ATP10B: variants seen among roughly 807,000 people sequenced by gnomAD.
The protein encoded by ATP10B is phospholipid-transporting ATPase VB.
In ATP10B, 122 loss-of-function variants were observed where a neutral mutation model predicts 141.2. The ratio of observed to expected loss-of-function variants is 0.86; its 90% confidence interval spans 0.75 to 1.00. The LOEUF is 1.00. Ranked by LOEUF, ATP10B falls within the 50% of genes least tolerant of loss-of-function variation. The pLI, the probability that ATP10B is intolerant of heterozygous loss-of-function variation, is 0.00. For missense variants in ATP10B, 1,876 were observed against 1,825.3 expected (o/e 1.03, Z -0.51); for synonymous variants, 685 against 692.0 (o/e 0.99, Z 0.16).
chr5:160,763,064 A>G (rs200709992), intron 2 of ATP10B, among the ~76,000 whole-genome samples: 1 of 143,976 alleles, frequency 6.9e-6, no homozygotes, highest in Admixed American at 7.0e-5. Flanking sequence ...AAATTTGTAA[A>G]ACAACTACTA....
chr5:160,779,536 C>A (rs758763157), intron 2 of ATP10B, among the ~76,000 whole-genome samples: 3 of 152,198 alleles, frequency 2.0e-5, no homozygotes, highest in Non-Finnish European at 4.4e-5. Context: ...CTCTGTGCAA[C>A]AGCCTTGGAG....
chr5:160,743,225 T>C (rs953291288), intron 2 of ATP10B, among the ~76,000 whole-genome samples: 2 of 152,166 alleles, frequency 1.3e-5, no homozygotes, highest in East Asian at 1.9e-4. Flanking sequence ...AGGATTCAAA[T>C]ATAGGCTGTG....
intron 2 of ATP10B, among the ~76,000 whole-genome samples, chr5:160,781,415 G>A (rs1003013095): frequency 1.3e-5 from 2 of 152,096 alleles, no homozygotes; most frequent in African/African-American, 2.4e-5. Flanking sequence ...GTCGGTTTGT[G>A]ATGGGTACAG....
At chr5:160,910,792 A>T in the ATP10B span, among the ~76,000 whole-genome samples, 1 of 152,212 alleles carries the variant, frequency 6.6e-6, no homozygotes, top group Non-Finnish European at 1.5e-5. Flanking sequence ...CAGAATCAAG[A>T]AAATTTCATG....
chr5:160,783,131 T>C (rs7713200), intron 2 of ATP10B, among the ~76,000 whole-genome samples: 45,324 of 151,470 alleles, frequency 0.3, 7,046 homozygotes, highest in African/African-American at 0.35. Flanking sequence ...CCAAGCAGTA[T>C]ACGCTGCACC....
rs1278917111 is a variant in ATP10B at position 160,602,568 on chromosome 5, G to A, written c.3363+9C>T. The A allele has an allele frequency of 3.7e-6, 6 of 1,613,464 alleles. No individual in the cohort carries two copies. In the Admixed American group the frequency reaches 8.3e-5, roughly 22 times the overall value. On this transcript the variant is annotated intron_variant, in intron 21 of 25. Coordinates refer to ENST00000327245, the MANE Select transcript of ATP10B (RefSeq NM_025153.3). The stretch of plus-strand genomic sequence containing the variant: ...AGCCCTGGGTGAGAGGACGCCATAG[G>A]CTACTTACCACGTTCTTGTAGAGGT...
chr5:160,861,565 G>T, the ATP10B span, among the ~76,000 whole-genome samples: 1 of 151,996 alleles, frequency 6.6e-6, no homozygotes, highest in South Asian at 2.1e-4. Flanking sequence ...AGGAGAAAGG[G>T]ATTAGTTTTG....
the ATP10B span, among the ~76,000 whole-genome samples, chr5:160,909,336 T>C: frequency 2.0e-5 from 3 of 152,214 alleles, no homozygotes; most frequent in Admixed American, 6.5e-5. Context: ...GACATGCAGC[T>C]GCTGGTGACT....
chr5:160,869,977 G>C, the ATP10B span, among the ~76,000 whole-genome samples: 1 of 152,078 alleles, frequency 6.6e-6, no homozygotes, highest in Non-Finnish European at 1.5e-5. Flanking sequence ...AATATACCAG[G>C]CAACTCTGTT....
At chr5:160,660,108 T>C (rs1761809362) in intron 7 of ATP10B, among the ~76,000 whole-genome samples, 1 of 152,206 alleles carries the variant, frequency 6.6e-6, no homozygotes, top group Admixed American at 6.5e-5. Context: ...ACGTATTTAA[T>C]GTGGATGAGG....
At chr5:160,776,278 C>T (rs148553246) in intron 2 of ATP10B, among the ~76,000 whole-genome samples, 2,456 of 152,274 alleles carry the variant, frequency 0.016, 116 homozygotes, top group Admixed American at 0.1. Flanking sequence ...GACCTAAGTT[C>T]GAGTCCCAGT....
intron 2 of ATP10B, among the ~76,000 whole-genome samples, chr5:160,736,190 T>C (rs1767102148): frequency 1.3e-5 from 2 of 152,112 alleles, no homozygotes; most frequent in African/African-American, 2.4e-5. Flanking sequence ...AAAAGTTGGT[T>C]TTTTGAAAAG....
intron 9 of ATP10B, among the ~76,000 whole-genome samples, chr5:160,641,983 C>A (rs981557814): frequency 6.6e-6 from 1 of 152,190 alleles, no homozygotes; most frequent in Non-Finnish European, 1.5e-5. Flanking sequence ...CAGCCTCACT[C>A]CATTCAGGGA....
intron 7 of ATP10B, among the ~76,000 whole-genome samples, chr5:160,661,832 C>A (rs1048439652): frequency 2.0e-5 from 3 of 152,082 alleles, no homozygotes; most frequent in Non-Finnish European, 4.4e-5. Context: ...AAAGGGCATA[C>A]AATTAGGAAA....
chr5:160,900,915 T>G, the ATP10B span, among the ~76,000 whole-genome samples: 9 of 144,230 alleles, frequency 6.2e-5, no homozygotes, highest in Non-Finnish European at 9.0e-5. Context: ...GAAGTTTTTT[T>G]TTTTTTTTTT....
chr5:160,896,501 T>C, the ATP10B span, among the ~76,000 whole-genome samples: 1 of 152,104 alleles, frequency 6.6e-6, no homozygotes, highest in African/African-American at 2.4e-5. Flanking sequence ...CAGGAAGAAG[T>C]CGAATCCCTG....
intron 3 of ATP10B, among the ~76,000 whole-genome samples, chr5:160,699,607 A>G (rs1315064778): frequency 6.6e-6 from 1 of 152,212 alleles, no homozygotes; most frequent in East Asian, 1.9e-4. Flanking sequence ...GGCTTAGCAC[A>G]GAGAATGTGG....
At chr5:160,679,960 G>A in intron 6 of ATP10B, among the ~76,000 whole-genome samples, 1 of 152,136 alleles carries the variant, frequency 6.6e-6, no homozygotes, top group East Asian at 1.9e-4. Context: ...CAATTCTGAA[G>A]CTAATCTCTC....
intron 19 of ATP10B, among the ~76,000 whole-genome samples, chr5:160,606,148 C>T (rs1181704802): frequency 2.0e-5 from 3 of 152,178 alleles, no homozygotes; most frequent in Non-Finnish European, 4.4e-5. Context: ...TTCTTTTAAA[C>T]CAGGTTTGGT....
Sources: gnomAD v4.1 joint callset for allele counts (sites outside exome capture counted in the v4.1 genomes callset) on GRCh38, gnomAD v4.1.1 for gene constraint, MANE v1.5 for transcripts, NCBI Gene and HGNC (gene_info 2026-07-23, HGNC 2026-07-21) for gene names.